The following CSRNP2 variants were observed in gnomAD, a reference collection of about 807,000 sequenced individuals.
CSRNP2 encodes the protein cysteine and serine rich nuclear protein 2, also known as cysteine/serine-rich nuclear protein 2.
Under a neutral mutation model 36.6 loss-of-function variants are expected in CSRNP2, and 11 were observed. The observed-to-expected ratio is 0.30, with a 90% CI of 0.19 to 0.50. The LOEUF (loss-of-function observed/expected upper bound fraction) is 0.50, where lower values mean the gene tolerates loss of function less well. Ranked by LOEUF, CSRNP2 falls within the 20% of genes least tolerant of loss-of-function variation. The probability of loss-of-function intolerance (pLI) is 0.98; values close to 1 mark genes in which losing one functional copy is unlikely to be tolerated. For missense variants in CSRNP2, 483 were observed against 691.4 expected (o/e 0.70, Z 3.38); for synonymous variants, 248 against 275.3 (o/e 0.90, Z 0.98).
At position 51,067,621 on chromosome 12, in the gene CSRNP2, C is replaced by T. The variant is rs2136867145; in HGVS notation, c.708+52G>A. On this transcript the variant is annotated intron_variant, in intron 4 of 4. Transcript: ENST00000228515. This position sits in a 1 kb window ranked among gnomAD's most constrained non-coding sequence, Gnocchi z 4.1. ...CCCATGTTCAGTGGCACCCACACCTCACCCCGCTGACCCTGGTGTAGATAT... is the reference window on the plus strand; with the variant it reads ...CCCATGTTCAGTGGCACCCACACCTTACCCCGCTGACCCTGGTGTAGATAT... The T allele has an allele frequency of 6.4e-7, 1 of 1,561,642 alleles. No individual in the cohort carries two copies. Among genetic ancestry groups the T allele is most frequent in the Non-Finnish European group, 8.7e-7 (1 of 1,145,702 alleles).
chr12:51,066,079 G>T (rs1938221345), intron 4 of CSRNP2, among the ~76,000 whole-genome samples: 1 of 152,164 alleles, frequency 6.6e-6, no homozygotes, highest in Non-Finnish European at 1.5e-5. Flanking sequence ...CAGTACTTCG[G>T]GAGGCTGAGG....
Position 51,069,943 on chromosome 12 carries a change from G to A in CSRNP2, c.412-1974C>T, listed in dbSNP as rs113752761. On this transcript the variant is annotated intron_variant, in intron 3 of 4. Coordinates refer to ENST00000228515, the MANE Select transcript of CSRNP2 (RefSeq NM_030809.3). ...TCTTGATCTCCTGTCCTCATGATCCGCCCGCCTCAGCCTCCCAAAGTGCTG... is the reference window on the plus strand; with the variant it reads ...TCTTGATCTCCTGTCCTCATGATCCACCCGCCTCAGCCTCCCAAAGTGCTG... Among the ~76,000 whole-genome samples, 484 of 151,650 alleles carry A rather than the reference G, an allele frequency of 3.2e-3. 2 individuals carry two copies. The highest frequency in any genetic ancestry group is 0.011 in the African/African-American group (460 of 41,362).
Position 51,074,088 on chromosome 12 carries a change from A to G in CSRNP2, c.152-6T>C, listed in dbSNP as rs547306870. 1 of 1,612,364 alleles carries G rather than the reference A, an allele frequency of 6.2e-7. No individual in the cohort carries two copies. The highest frequency in any genetic ancestry group is 1.1e-5 in the South Asian group (1 of 90,892). On this transcript the variant is annotated splice_polypyrimidine_tract_variant and splice_region_variant and intron_variant, in intron 2 of 4. Coordinates refer to ENST00000228515, the MANE Select transcript of CSRNP2 (RefSeq NM_030809.3). ...CCGCTTCAGGATGGATGTGGCTGAG[A>G]AGGGAGCACAGAGAGATGTTTTATT...
At chr12:51,073,402 T>A (rs1939267105) in intron 3 of CSRNP2, among the ~76,000 whole-genome samples, 1 of 150,376 alleles carries the variant, frequency 6.6e-6, no homozygotes, top group Non-Finnish European at 1.5e-5. Context: ...TTAGAAAGAG[T>A]TGAAATCTCT....
chr12:51,074,123 AT>A, intron 2 of CSRNP2, 41 bp from the exon 3 acceptor site: 1 of 1,569,056 alleles, frequency 6.4e-7, no homozygotes. Flanking sequence ...TTATTTTTCT[AT>A]TTATTTATTT....
intron 1 of CSRNP2, among the ~76,000 whole-genome samples, chr12:51,081,193 C>A (rs551512918): frequency 6.6e-6 from 1 of 151,998 alleles, no homozygotes; most frequent in Non-Finnish European, 1.5e-5. Flanking sequence ...GAGGCTAAGG[C>A]GGGAGGATTG....
At chr12:51,079,669 G>C (rs1466823493) in intron 1 of CSRNP2, among the ~76,000 whole-genome samples, 1 of 151,004 alleles carries the variant, frequency 6.6e-6, no homozygotes, top group African/African-American at 2.4e-5. Flanking sequence ...CTACTCAGGA[G>C]GCTGTGGCAG....
In CSRNP2 at chr12:51,076,439, G is replaced by C. The variant is rs907505719; in HGVS notation, c.123C>G (p.Leu41=). The stretch of plus-strand genomic sequence containing the variant: ...TGAAGCTGGCAGTGGTAGGAGGATT[G>C]AGGCTGTCGCAGCTGTCAGCACTAT... ...SSDSADSCDS[L]NPPTTASFTP... The change falls in exon 2 of 5, where the codon CTC becomes CTG. Residue 41 remains leucine, a synonymous_variant. Coordinates refer to ENST00000228515, the MANE Select transcript of CSRNP2 (RefSeq NM_030809.3). The C allele has an allele frequency of 6.2e-7, 1 of 1,613,960 alleles. No individual in the cohort carries two copies. Among genetic ancestry groups the C allele is most frequent in the South Asian group, 1.1e-5 (1 of 91,082 alleles).
chr12:51,063,856 G>C lies in CSRNP2; in HGVS notation c.1522C>G (p.Leu508Val), dbSNP rs200413608. 2.3e-4 allele frequency: 379 copies of C among 1,614,024 alleles called. No homozygotes were observed. Among genetic ancestry groups the C allele is most frequent in the Non-Finnish European group, 3.0e-4 (354 of 1,180,012 alleles). The change falls in exon 5 of 5, where the codon CTC becomes GTC. Residue 508 changes from leucine (L) to valine (V), a missense_variant. By Grantham distance (32) the Leu-to-Val change is conservative. Coordinates refer to ENST00000228515, the MANE Select transcript of CSRNP2 (RefSeq NM_030809.3). ...TCTTCATTGTCCGTGCGGAAGGGGA[G>C]GCTTGAGGGGGACCAGGAAGGGTGG... The part of the protein sequence containing the change: ...DFHPSWSPSS[L>V]PFRTDNEEGC...
In CSRNP2 at chr12:51,064,493, G is replaced by A; in HGVS notation, c.885C>T (p.Ser295=). The A allele has an allele frequency of 6.2e-7, 1 of 1,611,040 alleles. No individual in the cohort carries two copies. Among genetic ancestry groups the A allele is most frequent in the East Asian group, 2.2e-5 (1 of 44,874 alleles). The change falls in exon 5 of 5, where the codon TCC becomes TCT. Residue 295 remains serine (S), a synonymous_variant. Transcript: ENST00000228515. ...SRPAAPDEEP[S]PTASCSLTGA... Reference sequence around the variant, plus strand: ...CTGTCAGGCTGCAACTGGCAGTCGGGGAGGGCTCCTCATCTGGGGCTGCTG... The same window carrying A: ...CTGTCAGGCTGCAACTGGCAGTCGGAGAGGGCTCCTCATCTGGGGCTGCTG...
Position 51,067,643 on chromosome 12 carries a change from A to C in CSRNP2, c.708+30T>G. On this transcript the variant is annotated intron_variant, in intron 4 of 4. Transcript: ENST00000228515. The surrounding 1 kb of genome is among the most constrained non-coding windows in gnomAD (Gnocchi z 4.1). ...CCTCACCCCGCTGACCCTGGTGTAGATATACTATCTCAGGCCAACTTGGAC... is the reference window on the plus strand; with the variant it reads ...CCTCACCCCGCTGACCCTGGTGTAGCTATACTATCTCAGGCCAACTTGGAC... The C allele has an allele frequency of 6.2e-7, 1 of 1,602,428 alleles. No individual in the cohort carries two copies. The highest frequency in any genetic ancestry group is 8.5e-7 in the Non-Finnish European group (1 of 1,172,952).
chr12:51,069,624 G>A (rs1938860519), intron 3 of CSRNP2, among the ~76,000 whole-genome samples: 1 of 150,096 alleles, frequency 6.7e-6, no homozygotes, highest in South Asian at 2.1e-4. Flanking sequence ...AAAGCTGTAT[G>A]TGAGGAAAGG....
chr12:51,079,607 C>CAAAAAAA, intron 1 of CSRNP2, among the ~76,000 whole-genome samples: 1 of 135,356 alleles, frequency 7.4e-6, no homozygotes, highest in Non-Finnish European at 1.6e-5. Flanking sequence ...ACTAAAAATC[C>CAAAAAAA]AAAAAAAAAA....
chr12:51,068,200 C>T (rs944423107), intron 3 of CSRNP2, among the ~76,000 whole-genome samples: 6 of 152,216 alleles, frequency 3.9e-5, no homozygotes, highest in African/African-American at 1.4e-4. Context: ...TTCTGTCGTC[C>T]AGGCGGGAGT....
At chr12:51,076,744 ACTGATGT>A in intron 1 of CSRNP2, 97 bp from the exon 2 acceptor site, 1 of 604,240 alleles carries the variant, frequency 1.7e-6, no homozygotes, top group Non-Finnish European at 2.9e-6. Flanking sequence ...CTCACCTAGC[ACTGATGT>A]CTGCTTTCTC....
Position 51,067,604 on chromosome 12 carries a change from C to G in CSRNP2, c.708+69G>C. On this transcript the variant is annotated intron_variant, in intron 4 of 4. Coordinates refer to ENST00000228515, the MANE Select transcript of CSRNP2 (RefSeq NM_030809.3). This position sits in a 1 kb window ranked among gnomAD's most constrained non-coding sequence, Gnocchi z 4.1. ...CACCCCTGAATGGGCCTCCCATGTTCAGTGGCACCCACACCTCACCCCGCT... is the reference window on the plus strand; with the variant it reads ...CACCCCTGAATGGGCCTCCCATGTTGAGTGGCACCCACACCTCACCCCGCT... 6.7e-7 allele frequency: 1 copy of G among 1,487,248 alleles called. No individual in the cohort carries two copies. 92.1% of individuals were successfully genotyped at this position (1,487,248 alleles called of 1,614,324 possible).
Position 51,073,915 on chromosome 12 carries a change from G to C in CSRNP2, c.319C>G (p.Leu107Val), listed in dbSNP as rs750651991. 6.2e-7 allele frequency: 1 copy of C among 1,613,984 alleles called. No homozygotes were observed. The highest frequency in any genetic ancestry group is 8.5e-7 in the Non-Finnish European group (1 of 1,180,026). Residue 107 changes from leucine to valine, a missense_variant, in exon 3 of 5, where the codon CTC (leucine) becomes GTC (valine). Physicochemically the swap from Leu to Val is conservative, Grantham distance 32. Transcript: ENST00000228515. Reference protein sequence around the residue: ...QRHNSVRSYTLCEFAQEQEVN... With the variant: ...QRHNSVRSYTVCEFAQEQEVN... ...TCCTGTTCCTGGGCAAACTCACAGA[G>C]TGTATAGCTCCGTACAGAGTTATGG...
chr12:51,064,515 G>A lies in CSRNP2; in HGVS notation c.863C>T (p.Ala288Val), dbSNP rs1937902386. The change falls in exon 5 of 5, where the codon GCA becomes GTA. Residue 288 changes from alanine to valine, a missense_variant. Physicochemically the swap from Ala to Val is moderately conservative, Grantham distance 64. Around this residue, in one of 2 missense-constraint regions of CSRNP2, gnomAD observed 277 missense variants for 323.6 expected, o/e 0.86. Transcript: ENST00000228515. ...CGGGGAGGGCTCCTCATCTGGGGCT[G>A]CTGGGCGGCTCACCTGCCGCTTGCT... The part of the protein sequence containing the change: ...LESKRQVSRP[A>V]APDEEPSPTA... 6.2e-7 allele frequency: 1 copy of A among 1,612,852 alleles called. No homozygotes were observed. The highest frequency in any genetic ancestry group is 8.5e-7 in the Non-Finnish European group (1 of 1,179,414).
At chr12:51,080,410 G>T (rs944183094) in intron 1 of CSRNP2, among the ~76,000 whole-genome samples, 1 of 152,080 alleles carries the variant, frequency 6.6e-6, no homozygotes, top group Non-Finnish European at 1.5e-5. Context: ...TACTTTTTGT[G>T]AACTTGGATG....
Sources: gnomAD v4.1 joint callset for allele counts (sites outside exome capture counted in the v4.1 genomes callset) on GRCh38, gnomAD v4.1.1 for gene constraint, gnomAD v4.1.1 regional missense constraint, Gnocchi (gnomAD v3.1) non-coding constraint, MANE v1.5 for transcripts, NCBI Gene and HGNC (gene_info 2026-07-23, HGNC 2026-07-21) for gene names.